The following ABHD12B variants were observed in gnomAD, a reference collection of about 807,000 sequenced individuals.
ABHD12B encodes the protein protein ABHD12B.
Under a neutral mutation model 50.4 loss-of-function variants are expected in ABHD12B, and 42 were observed. The ratio of observed to expected loss-of-function variants is 0.83; its 90% CI spans 0.65 to 1.08. ABHD12B has a LOEUF of 1.08. Ranked by LOEUF, ABHD12B falls within the 50% of genes least tolerant of loss-of-function variation. The probability of loss-of-function intolerance (pLI) is 0.00; values close to 1 mark genes in which losing one functional copy is unlikely to be tolerated. For missense variants in ABHD12B, 479 were observed against 447.7 expected (o/e 1.07, Z -0.63); for synonymous variants, 167 against 160.3 (o/e 1.04, Z -0.32).
chr14:50,883,935 T>C (rs2049996145), intron 5 of ABHD12B, among the ~76,000 whole-genome samples: 1 of 122,888 alleles, frequency 8.1e-6, no homozygotes, highest in Non-Finnish European at 1.7e-5. Flanking sequence ...CTTCTCCTTA[T>C]AAAAGGCTTT....
Position 50,872,070 on chromosome 14 carries a change from G to A in ABHD12B, c.-105G>A. The A allele has an allele frequency of 1.2e-6, 1 of 834,594 alleles. No homozygotes were observed. Among genetic ancestry groups the A allele is most frequent in the Non-Finnish European group, 1.6e-6 (1 of 638,944 alleles). 51.7% of individuals were successfully genotyped at this position (834,594 alleles called of 1,614,324 possible). A position where few individuals can be genotyped will look rare whatever the true frequency, so the allele number is the denominator to read the frequency against. ...GCCGTACCAGCCTGCCTGACCGCGC[G>A]GAGGAGGAGGGCGGGCGCGGTGCCG... On this transcript the variant is annotated 5_prime_UTR_variant, in exon 1 of 13. Coordinates refer to ENST00000337334, the MANE Select transcript of ABHD12B (RefSeq NM_001206673.2).
chr14:50,895,111 C>T (rs1295395893), intron 9 of ABHD12B, among the ~76,000 whole-genome samples: 1 of 150,124 alleles, frequency 6.7e-6, no homozygotes, highest in Non-Finnish European at 1.5e-5. Flanking sequence ...AAATCCAGCC[C>T]AGTTCATGAC....
At chr14:50,878,287 T>C (rs1216245528) in intron 2 of ABHD12B, among the ~76,000 whole-genome samples, 2 of 152,194 alleles carry the variant, frequency 1.3e-5, no homozygotes, top group African/African-American at 2.4e-5. Context: ...CATGGCCTTG[T>C]GGGTGGGGGT....
chr14:50,886,042 A>G, intron 7 of ABHD12B, 147 bp downstream of exon 7: 2 of 1,160,200 alleles, frequency 1.7e-6, no homozygotes, highest in Middle Eastern at 3.0e-4. Context: ...GTGGCTGAAG[A>G]TCTTGCCATC....
At chr14:50,874,271 G>C (rs924459174) in intron 1 of ABHD12B, among the ~76,000 whole-genome samples, 2 of 152,202 alleles carry the variant, frequency 1.3e-5, no homozygotes, top group Non-Finnish European at 2.9e-5. Flanking sequence ...GGGCCAAGGA[G>C]AGTAAGTCTC....
Position 50,904,512 on chromosome 14 carries a change from G to GA in ABHD12B, c.*149dup, listed in dbSNP as rs2050306381. On this transcript the variant is annotated 3_prime_UTR_variant, in exon 13 of 13. Transcript: ENST00000337334. ...CAAATCACTTGCCATTTTAACAACA[G>GA]AAAGTACGAATGTTAGGCAGTATGG... 3.0e-6 allele frequency: 3 copies of GA among 990,482 alleles called. No homozygotes were observed. Among genetic ancestry groups the GA allele is most frequent in the African/African-American group, 1.6e-5 (1 of 62,840 alleles). The allele number at this position is 990,482 out of a possible 1,614,324, so 61.4% of individuals were successfully genotyped here.
Position 50,903,479 on chromosome 14 carries a change from G to A in ABHD12B, c.942+12G>A. 1.2e-6 allele frequency: 2 copies of A among 1,603,624 alleles called. No homozygotes were observed. The highest frequency in any genetic ancestry group is 1.1e-5 in the South Asian group (1 of 90,596). On this transcript the variant is annotated intron_variant, in intron 11 of 12. Transcript: ENST00000337334. ...AGTATGGGAAAAAGGTAAACTAAGG[G>A]CTCAATGCTGACTGAAATATACTAT...
intron 1 of ABHD12B, among the ~76,000 whole-genome samples, chr14:50,873,593 C>T (rs2049817032): frequency 6.6e-6 from 1 of 152,320 alleles, no homozygotes; most frequent in African/African-American, 2.4e-5. Context: ...CACCTAGAAC[C>T]CATGCCTCCC....
intron 5 of ABHD12B, 56 bp from the exon 6 acceptor site, chr14:50,885,558 A>T: frequency 6.2e-7 from 1 of 1,603,680 alleles, no homozygotes; most frequent in Non-Finnish European, 8.5e-7. Context: ...AGGGAGGAGA[A>T]GCCTTTTCTG....
chr14:50,900,355 T>C (rs979838942), intron 9 of ABHD12B, among the ~76,000 whole-genome samples: 2 of 152,256 alleles, frequency 1.3e-5, no homozygotes, highest in Admixed American at 6.5e-5. Flanking sequence ...ACTCATTTTG[T>C]CTTTAGCAAA....
At chr14:50,880,862 T>G (rs1280015843) in intron 4 of ABHD12B, among the ~76,000 whole-genome samples, 3 of 152,156 alleles carry the variant, frequency 2.0e-5, no homozygotes, top group African/African-American at 7.2e-5. Flanking sequence ...GTGTCTGAAA[T>G]GATGGATTGA....
At chr14:50,891,935 A>G (rs2050125295) in intron 9 of ABHD12B, 1 of 152,206 alleles carries the variant, frequency 6.6e-6, no homozygotes, top group Non-Finnish European at 1.5e-5. Flanking sequence ...ATAGCTTTAT[A>G]ATATGTCTTG....
In ABHD12B at chr14:50,895,291, C is replaced by T. The variant is rs184519216; in HGVS notation, c.780+6388C>T. On this transcript the variant is annotated intron_variant, in intron 9 of 12. Coordinates refer to ENST00000337334, the MANE Select transcript of ABHD12B (RefSeq NM_001206673.2). ...CCACAACAGGATTTAATTAACCTCG[C>T]CTTCAAGGTGTACAATAATAGAAAA... Among the ~76,000 whole-genome samples the T allele has an allele frequency of 1.5e-3, 229 of 150,634 alleles. 1 individual carries two copies. Among genetic ancestry groups the T allele is most frequent in the Middle Eastern group, 0.014 (4 of 292 alleles).
intron 5 of ABHD12B, 56 bp from the exon 6 acceptor site, chr14:50,885,558 A>G: frequency 6.2e-7 from 1 of 1,603,680 alleles, no homozygotes; most frequent in Non-Finnish European, 8.5e-7. Context: ...AGGGAGGAGA[A>G]GCCTTTTCTG....
At chr14:50,891,297 C>CA (rs1327422994) in intron 9 of ABHD12B, 1 of 151,550 alleles carries the variant, frequency 6.6e-6, no homozygotes, top group Non-Finnish European at 1.5e-5. Context: ...GGCTGGAGTG[C>CA]AGTGGCGTGA....
At chr14:50,892,889 T>G (rs2050137597) in intron 9 of ABHD12B, 1 of 152,282 alleles carries the variant, frequency 6.6e-6, no homozygotes, top group Non-Finnish European at 1.5e-5. Flanking sequence ...CCTCCTTGAC[T>G]ATATGGATTA....
Position 50,901,923 on chromosome 14 carries a change from A to T in ABHD12B, c.863+12A>T. ...CCTAATGATGAAAAGTAAGTTAATGATGAAAAGACATGCATTATTACTGTA... is the reference window on the plus strand; with the variant it reads ...CCTAATGATGAAAAGTAAGTTAATGTTGAAAAGACATGCATTATTACTGTA... On this transcript the variant is annotated intron_variant, in intron 10 of 12. Coordinates refer to ENST00000337334, the MANE Select transcript of ABHD12B (RefSeq NM_001206673.2). 1 of 1,545,128 alleles carries T rather than the reference A, an allele frequency of 6.5e-7. No individual in the cohort carries two copies. The highest frequency in any genetic ancestry group is 1.2e-5 in the South Asian group (1 of 84,754).
At chr14:50,881,010 CCTTAAG>C (rs948492511) in intron 4 of ABHD12B, among the ~76,000 whole-genome samples, 1 of 152,132 alleles carries the variant, frequency 6.6e-6, no homozygotes, top group African/African-American at 2.4e-5. Flanking sequence ...AAATATGACT[CCTTAAG>C]AGAGGTCACA....
At position 50,872,612 on chromosome 14, in the gene ABHD12B, C is replaced by G. The variant is rs564817636; in HGVS notation, c.104+334C>G. On this transcript the variant is annotated intron_variant, in intron 1 of 12. Coordinates refer to ENST00000337334, the MANE Select transcript of ABHD12B (RefSeq NM_001206673.2). Reference sequence around the variant, plus strand: ...CAATCTCTATTATCTGACCATTTTGCTAACATACAAGATGGATCTGAATGA... The same window carrying G: ...CAATCTCTATTATCTGACCATTTTGGTAACATACAAGATGGATCTGAATGA... 1.3e-3 allele frequency among the ~76,000 whole-genome samples: 196 copies of G among 152,258 alleles called. 1 individual carries two copies. Among genetic ancestry groups the G allele is most frequent in the Middle Eastern group, 3.4e-3 (1 of 294 alleles).
Sources: allele counts gnomAD v4.1 joint callset (sites outside exome capture counted in the v4.1 genomes callset), GRCh38; gene constraint gnomAD v4.1.1; transcripts MANE v1.5; gene names NCBI Gene and HGNC (gene_info 2026-07-23, HGNC 2026-07-21).